Variants in MUC5AC observed in about 807,000 individuals in gnomAD.
The protein encoded by MUC5AC is mucin-5AC.
A neutral mutation model predicts 169.7 loss-of-function variants in MUC5AC; 158 were observed. The observed-to-expected ratio is 0.93, with a 90% confidence interval of 0.82 to 1.06. The LOEUF is 1.06. MUC5AC is among the 50% of genes least tolerant of loss of function. The probability of loss-of-function intolerance (pLI) is 0.00; values close to 1 mark genes in which losing one functional copy is unlikely to be tolerated. For missense variants in MUC5AC, 4,359 were observed against 3,089.9 expected (o/e 1.41, Z -9.74); for synonymous variants, 1,975 against 1,237.0 (o/e 1.60, Z -12.52).
At chr11:1,164,064 T>A (rs1443600545) in intron 7 of MUC5AC, 42 bp from the exon 8 acceptor site, 1 of 1,610,106 alleles carries the variant, frequency 6.2e-7, no homozygotes. Context: ...CCGGTCCAGA[T>A]CCCCCACCGA....
chr11:1,181,521 C>G lies in MUC5AC; in HGVS notation c.4009+62C>G, dbSNP rs1261321481. 1.3e-5 allele frequency: 5 copies of G among 398,204 alleles called. No homozygotes were observed. The Admixed American group carries it at 2.2e-4, about 18-fold the overall frequency. 24.7% of individuals were successfully genotyped at this position (398,204 alleles called of 1,614,324 possible). On this transcript the variant is annotated intron_variant, in intron 30 of 48. Transcript: ENST00000621226. ...CCCCTCCCACTGCCTGGCACAGCTG[C>G]CCTTGCTGGACGCTGAGGTCACAGC... is the stretch of plus-strand genomic sequence containing the variant.
chr11:1,165,173 G>C, intron 9 of MUC5AC, 129 bp from the exon 10 acceptor site: 1 of 838,264 alleles, frequency 1.2e-6, no homozygotes, highest in South Asian at 1.8e-5. Flanking sequence ...GGCTGGCTGA[G>C]GCCCCCGTCC....
rs766568884 is a variant in MUC5AC, at chr11:1,196,662, G to C, written c.15771G>C (p.Pro5257=). 1.3e-6 allele frequency: 1 copy of C among 762,458 alleles called. No individual in the cohort carries two copies. The highest frequency in any genetic ancestry group is 2.4e-6 in the Non-Finnish European group (1 of 416,890). The allele number at this position is 762,458 out of a possible 1,614,324, so 47.2% of individuals were successfully genotyped here. A position where few individuals can be genotyped will look rare whatever the true frequency, so the allele number is the denominator to read the frequency against. ...CCATCACCGAAGGCTGCTTCTGTCC[G>C]GAGGGCATGACCCTCTTCAGCACCA... is the stretch of plus-strand genomic sequence containing the variant. ...AGPITEGCFC[P]EGMTLFSTSA... The change falls in exon 39 of 49, where the codon CCG becomes CCC. Residue 5257 remains proline (P), a synonymous_variant. Coordinates refer to ENST00000621226, the MANE Select transcript of MUC5AC (RefSeq NM_001304359.2).
Position 1,186,909 on chromosome 11 carries a change from A to C in MUC5AC, c.8764A>C (p.Ser2922Arg). ...PTTSTTSAPT[S>R]STTSATTTST... ...AACCAGCACAACCTCTGCCCCTACA[A>C]GCAGCACAACCTCAGCTACTACAAC... Residue 2922 changes from serine (S) to arginine (R), a missense_variant, in exon 31 of 49, where the codon AGC becomes CGC. By Grantham distance (110) the Ser-to-Arg change is moderately radical. Coordinates refer to ENST00000621226, the MANE Select transcript of MUC5AC (RefSeq NM_001304359.2). 2.8e-6 allele frequency: 2 copies of C among 723,864 alleles called. No homozygotes were observed. Among genetic ancestry groups the C allele is most frequent in the Non-Finnish European group, 5.0e-6 (2 of 396,882 alleles). 44.8% of individuals were successfully genotyped at this position (723,864 alleles called of 1,614,324 possible).
Position 1,197,489 on chromosome 11 carries a change from G to A in MUC5AC, c.15883G>A (p.Asp5295Asn). Residue 5295 changes from aspartate (D) to asparagine (N), a missense_variant, in exon 41 of 49, where the codon GAC becomes AAC. By Grantham distance (23) the Asp-to-Asn change is conservative. Coordinates refer to ENST00000621226, the MANE Select transcript of MUC5AC (RefSeq NM_001304359.2). Reference sequence around the variant, plus strand: ...GCAGGTGGGCCACACCGTCGGCATGGACTGCCAGGAGTGCACGTGTGAGGC... The same window carrying A: ...GCAGGTGGGCCACACCGTCGGCATGAACTGCCAGGAGTGCACGTGTGAGGC... ...PVKVGHTVGM[D>N]CQECTCEAAT... The A allele has an allele frequency of 2.8e-6, 2 of 717,100 alleles. No homozygotes were observed. The highest frequency in any genetic ancestry group is 5.1e-6 in the Non-Finnish European group (2 of 394,708). The allele number at this position is 717,100 out of a possible 1,614,324, so 44.4% of individuals were successfully genotyped here.
rs1278734626 is a variant in MUC5AC at position 1,187,198 on chromosome 11, C to G, written c.9053C>G (p.Thr3018Ser). ...ACCAGCACACCCTCTGCCCCTACAA[C>G]CAGCACAACCTTAGCTCCTACAACC... ...PTTSTPSAPT[T>S]STTLAPTTST... The change falls in exon 31 of 49, where the codon ACC becomes AGC. Residue 3018 changes from threonine to serine, a missense_variant. Transcript: ENST00000621226. 910 of 702,516 alleles carry G rather than the reference C, an allele frequency of 1.3e-3. 12 individuals are homozygous for G. The African/African-American group carries it at 0.014, about 11-fold the overall frequency. 43.5% of individuals were successfully genotyped at this position (702,516 alleles called of 1,614,324 possible).
rs1362627176 is a variant in MUC5AC at position 1,184,724 on chromosome 11, G to A, written c.6579G>A (p.Arg2193=). The A allele has an allele frequency of 1.9e-5, 12 of 630,164 alleles. No homozygotes were observed. The highest frequency in any genetic ancestry group is 3.4e-5 in the Non-Finnish European group (12 of 351,354). 39.0% of individuals were successfully genotyped at this position (630,164 alleles called of 1,614,324 possible). Residue 2193 remains arginine, a synonymous_variant, in exon 31 of 49, where the codon CGG becomes CGA. Coordinates refer to ENST00000621226, the MANE Select transcript of MUC5AC (RefSeq NM_001304359.2). ...QCSREEGLVC[R]NQDQQGPFKM... The stretch of plus-strand genomic sequence containing the variant: ...GCCGGGAAGAGGGCCTGGTGTGCCG[G>A]AACCAGGACCAGCAGGGACCCTTCA...
chr11:1,165,820 C>T (rs1326043308), intron 11 of MUC5AC, 60 bp downstream of exon 11: 1 of 1,600,302 alleles, frequency 6.2e-7, no homozygotes, highest in East Asian at 2.2e-5. Context: ...CAGCCTCCCA[C>T]AGGCTCCCCC....
At chr11:1,169,217 GGCATCT>G in intron 15 of MUC5AC, 191 bp downstream of exon 15, 1 of 946,334 alleles carries the variant, frequency 1.1e-6, no homozygotes, top group Non-Finnish European at 1.3e-6. Context: ...AGGAATGTGG[GGCATCT>G]GCTTCAGGGT....
At position 1,195,256 on chromosome 11, in the gene MUC5AC, C is replaced by T. The variant is rs751816454; in HGVS notation, c.15435C>T (p.Pro5145=). The T allele has an allele frequency of 1.3e-6, 1 of 764,342 alleles. No homozygotes were observed. The highest frequency in any genetic ancestry group is 2.4e-6 in the Non-Finnish European group (1 of 417,300). The allele number at this position is 764,342 out of a possible 1,614,324, so 47.3% of individuals were successfully genotyped here. Residue 5145 remains proline (P), a synonymous_variant, in exon 36 of 49, where the codon CCC becomes CCT. Coordinates refer to ENST00000621226, the MANE Select transcript of MUC5AC (RefSeq NM_001304359.2). ...TTPPAPCLPS[P]ICQLILSKVF... is the part of the protein sequence containing the mutation. ...CGCCTGCTCCGTGCCTGCCATCACC[C>T]ATCTGCCAGCTGATTCTGAGCAAGT... is the stretch of plus-strand genomic sequence containing the variant.
rs1860371594 is a variant in MUC5AC, at chr11:1,167,552, G to T, written c.1387-325G>T. The stretch of plus-strand genomic sequence containing the variant: ...GAAGTTTCACGCAGACAGCTCCACT[G>T]CCCTGAAACCCCTTGGAGCTCCTCA... On this transcript the variant is annotated intron_variant, in intron 11 of 48. Coordinates refer to ENST00000621226, the MANE Select transcript of MUC5AC (RefSeq NM_001304359.2). Among the ~76,000 whole-genome samples, 2 of 152,218 alleles carry T rather than the reference G, an allele frequency of 1.3e-5. 1 individual carries two copies. Among genetic ancestry groups the T allele is most frequent in the South Asian group, 4.1e-4 (2 of 4,834 alleles).
chr11:1,175,611 A>G (rs1860655132), intron 19 of MUC5AC, among the ~76,000 whole-genome samples: 1 of 142,358 alleles, frequency 7.0e-6, no homozygotes, highest in Admixed American at 7.0e-5. Flanking sequence ...TCACACCCTC[A>G]TGCACACGCA....
At chr11:1,194,807 G>A in intron 35 of MUC5AC, 137 bp downstream of exon 35, 3 of 613,636 alleles carry the variant, frequency 4.9e-6, no homozygotes, top group South Asian at 1.9e-5. Context: ...CCACAGGCAT[G>A]AGGCTTACGC....
At position 1,199,478 on chromosome 11, in the gene MUC5AC, C is replaced by G. The variant is rs1861368082; in HGVS notation, c.16503C>G (p.Leu5501=). 1.4e-6 allele frequency: 1 copy of G among 715,208 alleles called. No individual in the cohort carries two copies. The highest frequency in any genetic ancestry group is 2.6e-6 in the Non-Finnish European group (1 of 392,106). 44.3% of individuals were successfully genotyped at this position (715,208 alleles called of 1,614,324 possible). Residue 5501 remains leucine, a synonymous_variant, in exon 46 of 49, where the codon CTC becomes CTG. Coordinates refer to ENST00000621226, the MANE Select transcript of MUC5AC (RefSeq NM_001304359.2). ...CCACGAAGAAGGCGTGCCCCCCGCT[C>G]AGCTGTTCTCTGGTGAGGTCCAGGA... ...VVTTKKACPP[L]SCSLDEARMS... is the part of the protein sequence containing the mutation.
Position 1,196,605 on chromosome 11 carries a change from T to G in MUC5AC, c.15726-12T>G, listed in dbSNP as rs373157969. On this transcript the variant is annotated splice_polypyrimidine_tract_variant and intron_variant, in intron 38 of 48. Coordinates refer to ENST00000621226, the MANE Select transcript of MUC5AC (RefSeq NM_001304359.2). ...GGAAAAAGGAGACCCACCAACCCTA[T>G]GCTCTCTACAGGGCTCTGCCGGAGG... The G allele has an allele frequency of 1.3e-6, 1 of 761,566 alleles. No individual in the cohort carries two copies. The highest frequency in any genetic ancestry group is 2.4e-6 in the Non-Finnish European group (1 of 416,422). 47.2% of individuals were successfully genotyped at this position (761,566 alleles called of 1,614,324 possible).
intron 15 of MUC5AC, 101 bp downstream of exon 15, chr11:1,169,127 G>A (rs966499049): frequency 1.4e-6 from 2 of 1,423,772 alleles, no homozygotes; most frequent in African/African-American, 2.9e-5. Context: ...GCGTGTGCCT[G>A]TGAGCCGGGT....
chr11:1,164,196 G>T lies in MUC5AC; in HGVS notation c.880G>T (p.Asp294Tyr). The T allele has an allele frequency of 6.2e-7, 1 of 1,612,606 alleles. No homozygotes were observed. The highest frequency in any genetic ancestry group is 8.5e-7 in the Non-Finnish European group (1 of 1,179,870). The part of the protein sequence containing the change: ...VGSYLEACRQ[D>Y]LCFCEDTDLL... ...CAGCTACCTGGAGGCTTGCAGGCAAGACCTCTGCTTCTGTGAAGACACCGA... is the reference window on the plus strand; with the variant it reads ...CAGCTACCTGGAGGCTTGCAGGCAATACCTCTGCTTCTGTGAAGACACCGA... The change falls in exon 8 of 49, where the codon GAC (aspartate) becomes TAC (tyrosine). Residue 294 changes from aspartate (D) to tyrosine (Y), a missense_variant. Transcript: ENST00000621226.
intron 15 of MUC5AC, among the ~76,000 whole-genome samples, chr11:1,169,813 C>A (rs1358091869): frequency 6.8e-6 from 1 of 147,294 alleles, no homozygotes; most frequent in South Asian, 2.2e-4. Context: ...TACTCACTCA[C>A]CCACTCACCC....
Position 1,162,976 on chromosome 11 carries a change from G to T in MUC5AC, c.610G>T (p.Ala204Ser). Residue 204 changes from alanine (A) to serine (S), a missense_variant, in exon 6 of 49, where the codon GCC (alanine) becomes TCC (serine). Coordinates refer to ENST00000621226, the MANE Select transcript of MUC5AC (RefSeq NM_001304359.2). Reference sequence around the variant, plus strand: ...GCAGCTGGAGCTGGACACCAAATACGCCAACAAGACCTGTGGGCTCTGTGG... The same window carrying T: ...GCAGCTGGAGCTGGACACCAAATACTCCAACAAGACCTGTGGGCTCTGTGG... ...SLLLELDTKYANKTCGLCGDF... is the reference protein window; with the variant it reads ...SLLLELDTKYSNKTCGLCGDF... 6.2e-7 allele frequency: 1 copy of T among 1,612,662 alleles called. No individual in the cohort carries two copies. The highest frequency in any genetic ancestry group is 8.5e-7 in the Non-Finnish European group (1 of 1,179,852).
Sources: allele counts gnomAD v4.1 joint callset (sites outside exome capture counted in the v4.1 genomes callset), GRCh38; gene constraint gnomAD v4.1.1; transcripts MANE v1.5; gene names NCBI Gene and HGNC (gene_info 2026-07-23, HGNC 2026-07-21).